MEF2D: variants seen among roughly 807,000 people sequenced by gnomAD.
The protein encoded by MEF2D is myocyte enhancer factor 2D.
In MEF2D, 10 loss-of-function variants were observed where a neutral mutation model predicts 59.3. The observed-to-expected ratio is 0.17, with a 90% CI of 0.10 to 0.29. MEF2D has a LOEUF of 0.29. Ranked by LOEUF, MEF2D falls within the 10% of genes least tolerant of loss-of-function variation. The pLI, the probability that MEF2D is intolerant of heterozygous loss-of-function variation, is 1.00. For missense variants in MEF2D, 508 were observed against 699.4 expected, an observed-to-expected ratio of 0.73 and a Z score of 3.09; for synonymous variants, 305 against 295.0, an observed-to-expected ratio of 1.03 and a Z score of -0.35.
intron 9 of MEF2D, among the ~76,000 whole-genome samples, chr1:156,473,106 C>T (rs1157979852): frequency 1.3e-5 from 2 of 152,062 alleles, no homozygotes; most frequent in Non-Finnish European, 2.9e-5. Context: ...CAACCTCTGC[C>T]TCCCGGATTC....
At chr1:156,477,943 T>C (rs535360892) in intron 6 of MEF2D, among the ~76,000 whole-genome samples, 2 of 152,356 alleles carry the variant, frequency 1.3e-5, no homozygotes, top group Admixed American at 6.5e-5. Context: ...CTTTCACACA[T>C]GTATTATCTT....
rs1671497546 is a variant in MEF2D, at chr1:156,475,302, T to A, written c.877-65A>T. The A allele has an allele frequency of 2.7e-6, 4 of 1,500,268 alleles. No individual in the cohort carries two copies. The East Asian group carries it at 7.2e-5, about 27-fold the overall frequency. 92.9% of individuals were successfully genotyped at this position (1,500,268 alleles called of 1,614,324 possible). A position where few individuals can be genotyped will look rare whatever the true frequency, so the allele number is the denominator to read the frequency against. On this transcript the variant is annotated intron_variant, in intron 8 of 11. Coordinates refer to ENST00000348159, the MANE Select transcript of MEF2D (RefSeq NM_005920.4). ...TGGGCAGCTTTATGTTGGCCCTCCA[T>A]CCCAAGGCCAAGGTGGGGTTCCTGA...
At position 156,468,010 on chromosome 1, in the gene MEF2D, TCCTCTTCACAG is replaced by T. The variant is rs1670970789; in HGVS notation, c.1526_1536del (p.Ala509AspfsTer4). The T allele has an allele frequency of 6.2e-7, 1 of 1,612,954 alleles. No individual in the cohort carries two copies. On this transcript the variant is annotated frameshift_variant, in exon 11 of 12. Coordinates refer to ENST00000348159, the MANE Select transcript of MEF2D (RefSeq NM_005920.4). LOFTEE classifies it high-confidence loss of function. The surrounding 1 kb of genome is among the most constrained non-coding windows in gnomAD (Gnocchi z 4.3). ...TACAGTACCCAGGTATCAAGCCGCA[TCCTCTTCACAG>T]CTGAGCCCTCAGCCTCAGGCTCTGG... is the stretch of plus-strand genomic sequence containing the variant.
At chr1:156,497,244 G>A (rs920295053) in intron 1 of MEF2D, among the ~76,000 whole-genome samples, 1 of 152,244 alleles carries the variant, frequency 6.6e-6, no homozygotes, top group Non-Finnish European at 1.5e-5. Flanking sequence ...GGGACAGAAG[G>A]ACAGACAGTT....
Position 156,468,108 on chromosome 1 carries a change from G to A in MEF2D, c.1439C>T (p.Thr480Met), listed in dbSNP as rs753601184. The A allele has an allele frequency of 6.2e-6, 10 of 1,613,932 alleles. No homozygotes were observed. Among genetic ancestry groups the A allele is most frequent in the Middle Eastern group, 1.6e-4 (1 of 6,082 alleles). ...LSSPAGGSYETGDRDDGRGDF... is the reference protein window; with the variant it reads ...LSSPAGGSYEMGDRDDGRGDF... ...CCCCCGTCCGTCATCCCGGTCTCCC[G>A]TCTCATAGGATCCCCCGGCTGGGCT... is the stretch of plus-strand genomic sequence containing the variant. Residue 480 changes from threonine (T) to methionine (M), a missense_variant, in exon 11 of 12, where the codon ACG becomes ATG. Thr to Met is a moderately conservative substitution (Grantham distance 81). Around this residue, in one of 2 missense-constraint regions of MEF2D, gnomAD observed 481 missense variants for 584.7 expected, o/e 0.82. Transcript: ENST00000348159. The surrounding 1 kb of genome is among the most constrained non-coding windows in gnomAD (Gnocchi z 4.3).
intron 8 of MEF2D, among the ~76,000 whole-genome samples, chr1:156,475,758 C>T (rs541593698): frequency 5.3e-5 from 8 of 152,364 alleles, no homozygotes; most frequent in Non-Finnish European, 5.9e-5. Flanking sequence ...CCGAAACTGC[C>T]GCCGTGTTGG....
intron 1 of MEF2D, among the ~76,000 whole-genome samples, chr1:156,492,849 T>G (rs1236033850): frequency 6.6e-6 from 1 of 152,168 alleles, no homozygotes; most frequent in Non-Finnish European, 1.5e-5. Flanking sequence ...ATGAGCATAA[T>G]GCCACCAGTG....
At chr1:156,481,700 A>T (rs186371665) in intron 3 of MEF2D, among the ~76,000 whole-genome samples, 169 of 152,322 alleles carry the variant, frequency 1.1e-3, no homozygotes, top group Non-Finnish European at 1.7e-3. Flanking sequence ...AAAATAAGGG[A>T]CTTTCCTCCA....
chr1:156,473,784 G>T (rs1671394733), intron 9 of MEF2D, among the ~76,000 whole-genome samples: 1 of 152,102 alleles, frequency 6.6e-6, no homozygotes. Flanking sequence ...TTTACCTTCA[G>T]ATCCCCTCTC....
In MEF2D at chr1:156,467,944, C is replaced by A. The variant is rs1670964536; in HGVS notation, c.1554+49G>T. The stretch of plus-strand genomic sequence containing the variant: ...CAGGTTAGGGGGCACGCGGGGCAGT[C>A]CCTGGGTGTAGCAGACACTGGCAGA... On this transcript the variant is annotated intron_variant, in intron 11 of 11. Coordinates refer to ENST00000348159, the MANE Select transcript of MEF2D (RefSeq NM_005920.4). The A allele has an allele frequency of 1.9e-6, 3 of 1,571,510 alleles. No individual in the cohort carries two copies. The African/African-American group carries it at 4.0e-5, about 21-fold the overall frequency.
At chr1:156,475,359 G>A (rs754385114) in intron 8 of MEF2D, 122 bp from the exon 9 acceptor site, 27 of 1,179,778 alleles carry the variant, frequency 2.3e-5, no homozygotes, top group African/African-American at 1.1e-4. Context: ...GCCTTAGCAC[G>A]GAGGCCCCCA....
At chr1:156,500,246 G>A (rs139688484) in intron 1 of MEF2D, among the ~76,000 whole-genome samples, 5 of 152,172 alleles carry the variant, frequency 3.3e-5, no homozygotes, top group South Asian at 2.1e-4. Context: ...AACACCCAAG[G>A]GAATTGCAGC....
At chr1:156,469,352 C>T (rs1330001350) in intron 9 of MEF2D, among the ~76,000 whole-genome samples, 1 of 151,992 alleles carries the variant, frequency 6.6e-6, no homozygotes, top group Non-Finnish European at 1.5e-5. Context: ...CTGCCTCCCA[C>T]GTTCAAGCAA....
intron 1 of MEF2D, among the ~76,000 whole-genome samples, chr1:156,497,935 G>C (rs957149502): frequency 1.3e-5 from 2 of 151,644 alleles, no homozygotes; most frequent in Admixed American, 1.3e-4. Context: ...TAGAGGAGAA[G>C]GGTCTGAGGG....
Position 156,480,922 on chromosome 1 carries a change from CCGT to C in MEF2D, c.305_307del (p.Asp102del). On this transcript the variant is annotated inframe_deletion, in exon 4 of 12. Transcript: ENST00000348159. ...GGGGCTCTGTTCCAGCGAGTCCTCC[CCGT>C]CGGGCTCGGGGCTGTCGCAGCCGTT... is the stretch of plus-strand genomic sequence containing the variant. The C allele has an allele frequency of 1.2e-6, 2 of 1,612,236 alleles. No individual in the cohort carries two copies. Among genetic ancestry groups the C allele is most frequent in the Non-Finnish European group, 1.7e-6 (2 of 1,179,780 alleles).
In MEF2D at chr1:156,477,095, T is replaced by C. The variant is rs376194167; in HGVS notation, c.772A>G (p.Ser258Gly). 16 of 1,613,844 alleles carry C rather than the reference T, an allele frequency of 9.9e-6. No homozygotes were observed. The highest frequency in any genetic ancestry group is 1.3e-5 in the Non-Finnish European group (15 of 1,179,908). ...PAKSPPPPTHSTQLGAPSRKP... is the reference protein window; with the variant it reads ...PAKSPPPPTHGTQLGAPSRKP... ...CGGCTGGGGGCTCCAAGCTGGGTGCTGTGGGTAGGTGGGGGTGGAGACTTG... is the reference window on the plus strand; with the variant it reads ...CGGCTGGGGGCTCCAAGCTGGGTGCCGTGGGTAGGTGGGGGTGGAGACTTG... Residue 258 changes from serine to glycine, a missense_variant, in exon 7 of 12, where the codon AGC becomes GGC. Ser to Gly is a moderately conservative substitution (Grantham distance 56, BLOSUM62 0). This residue lies in a region of MEF2D where 481 missense variants were observed against 584.7 expected (regional missense o/e 0.82). Transcript: ENST00000348159.
At chr1:156,493,912 G>C (rs1257662207) in intron 1 of MEF2D, among the ~76,000 whole-genome samples, 1 of 152,104 alleles carries the variant, frequency 6.6e-6, no homozygotes, top group Non-Finnish European at 1.5e-5. Flanking sequence ...ACAGGTGGGG[G>C]AGATAAGAGG....
rs773700830 is a variant in MEF2D at position 156,477,099 on chromosome 1, G to A, written c.768C>T (p.Thr256=). ...VIPAKSPPPP[T]HSTQLGAPSR... ...TGGGGGCTCCAAGCTGGGTGCTGTG[G>A]GTAGGTGGGGGTGGAGACTTGGCAG... is the stretch of plus-strand genomic sequence containing the variant. The change falls in exon 7 of 12, where the codon ACC becomes ACT. Residue 256 remains threonine, a synonymous_variant. Transcript: ENST00000348159. 1 of 1,613,886 alleles carries A rather than the reference G, an allele frequency of 6.2e-7. No homozygotes were observed. The highest frequency in any genetic ancestry group is 8.5e-7 in the Non-Finnish European group (1 of 1,179,936).
At chr1:156,483,122 G>T in intron 2 of MEF2D, 117 bp downstream of exon 2, 1 of 1,088,818 alleles carries the variant, frequency 9.2e-7, no homozygotes. Flanking sequence ...TTCCCCTTCT[G>T]TAATAGCTTA....
Sources: gnomAD v4.1 joint callset for allele counts (sites outside exome capture counted in the v4.1 genomes callset) on GRCh38, gnomAD v4.1.1 for gene constraint, gnomAD v4.1.1 regional missense constraint, Gnocchi (gnomAD v3.1) non-coding constraint, MANE v1.5 for transcripts, NCBI Gene and HGNC (gene_info 2026-07-23, HGNC 2026-07-21) for gene names.